Variants in TBL1X observed in about 807,000 individuals in gnomAD.
The protein encoded by TBL1X is transducin beta like 1 X-linked, also known as F-box-like/WD repeat-containing protein TBL1X.
Under a neutral mutation model 50.7 loss-of-function variants are expected in TBL1X, and 10 were observed. The observed-to-expected ratio is 0.20, with a 90% CI of 0.12 to 0.33. The LOEUF (loss-of-function observed/expected upper bound fraction) is 0.33, where lower values mean the gene tolerates loss of function less well. TBL1X is among the 10% of genes least tolerant of loss of function. TBL1X has a pLI of 1.00. For synonymous variants in TBL1X, 190 were observed against 214.7 expected (o/e 0.88, Z 1.01); for missense variants, 340 against 504.4 (o/e 0.67, Z 3.12).
chrX:9,643,831 A>G (rs2082788516), intron 3 of TBL1X, among the ~76,000 whole-genome samples: 1 of 112,358 alleles, frequency 8.9e-6, no homozygotes, highest in African/African-American at 3.2e-5. Context: ...ACTGCACTCC[A>G]GCCTGGGCAA....
intron 2 of TBL1X, chrX:9,640,046 T>C (rs2146587618): frequency 1.8e-5 from 2 of 112,475 alleles, no homozygotes; most frequent in South Asian, 7.4e-4. Context: ...TCAGAACTTC[T>C]ACATGCATAA....
At chrX:9,624,290 T>C (rs1309147191) in intron 2 of TBL1X, among the ~76,000 whole-genome samples, 1 of 112,154 alleles carries the variant, frequency 8.9e-6, no homozygotes, top group East Asian at 2.8e-4. Context: ...GTGTGACTTG[T>C]TAAAAATGAA....
chrX:9,697,289 C>G (rs2083137323), intron 11 of TBL1X, 80 bp from the exon 12 acceptor site: 9 of 1,164,269 alleles, frequency 7.7e-6, no homozygotes, highest in South Asian at 3.8e-5. Flanking sequence ...GAAGGGCTGT[C>G]TTTTCTTGTA....
In TBL1X at chrX:9,465,329, G is replaced by C; in HGVS notation, c.-319G>C. The C allele has an allele frequency of 9.1e-6, 1 of 109,831 alleles. No homozygotes were observed. The highest frequency in any genetic ancestry group is 3.0e-4 in the South Asian group (1 of 3,297). The allele number at this position is 109,831 out of a possible 1,213,427, so 9.1% of individuals were successfully genotyped here. A position where few individuals can be genotyped will look rare whatever the true frequency, so the allele number is the denominator to read the frequency against. On this transcript the variant is annotated 5_prime_UTR_variant, in exon 1 of 18. Coordinates refer to ENST00000645353, the MANE Select transcript of TBL1X (RefSeq NM_005647.4). ...CCCGGGGGCGGCGCGCGGCTGCTCC[G>C]GGGCGCCGGGCCCTCTTCGGCCGCC...
chrX:9,674,695 C>G (rs930323723), intron 5 of TBL1X, among the ~76,000 whole-genome samples: 3 of 46,882 alleles, frequency 6.4e-5, no homozygotes, highest in Admixed American at 1.8e-4. Context: ...CCCCCCCCCC[C>G]CCCCCCCCCA....
At chrX:9,684,297 T>C in intron 6 of TBL1X, 109 bp downstream of exon 6, 1 of 1,053,982 alleles carries the variant, frequency 9.5e-7, no homozygotes, top group Non-Finnish European at 1.3e-6. Flanking sequence ...TTGGGATTAA[T>C]TCCGCGGCAG....
chrX:9,624,389 T>C (rs1180778784), intron 2 of TBL1X, among the ~76,000 whole-genome samples: 1 of 112,251 alleles, frequency 8.9e-6, no homozygotes, highest in Non-Finnish European at 1.9e-5. Flanking sequence ...TGGTTCATAG[T>C]GTTTAATTTG....
intron 5 of TBL1X, among the ~76,000 whole-genome samples, chrX:9,668,171 ATTG>A (rs200035924): frequency 0.019 from 2,158 of 111,244 alleles, 16 homozygotes; most frequent in Middle Eastern, 0.033. Context: ...GTTATGTTAA[ATTG>A]TTGTGTGTCA....
intron 16 of TBL1X, among the ~76,000 whole-genome samples, chrX:9,713,222 C>T (rs1200660865): frequency 9.0e-6 from 1 of 110,957 alleles, no homozygotes; most frequent in Non-Finnish European, 1.9e-5. Context: ...CTAGATAGCT[C>T]TCCGGGAAGC....
chrX:9,673,451 A>G (rs746512833), intron 5 of TBL1X, among the ~76,000 whole-genome samples: 2 of 111,748 alleles, frequency 1.8e-5, no homozygotes, highest in African/African-American at 3.3e-5. Flanking sequence ...GGAAGTAGAA[A>G]CAGCTCCATC....
intron 5 of TBL1X, among the ~76,000 whole-genome samples, chrX:9,665,678 T>C (rs766432979): frequency 9.8e-6 from 1 of 102,483 alleles, no homozygotes; most frequent in East Asian, 3.2e-4. Context: ...CCTAAAGTAA[T>C]TTCTGACAGC....
At chrX:9,654,713 C>G (rs1183295470) in intron 5 of TBL1X, among the ~76,000 whole-genome samples, 1 of 111,086 alleles carries the variant, frequency 9.0e-6, no homozygotes, top group Non-Finnish European at 1.9e-5. Context: ...CTCCCCGCCC[C>G]CTAAATGGGC....
At chrX:9,568,628 G>A (rs1384310957) in intron 2 of TBL1X, among the ~76,000 whole-genome samples, 1 of 106,973 alleles carries the variant, frequency 9.3e-6, no homozygotes, top group Non-Finnish European at 1.9e-5. Context: ...TGTGCTGTAT[G>A]TCTGTCTGTG....
chrX:9,602,573 A>AG (rs2082562501), intron 2 of TBL1X, among the ~76,000 whole-genome samples: 1 of 111,722 alleles, frequency 9.0e-6, no homozygotes, highest in South Asian at 3.7e-4. Context: ...TCCTGGCTGC[A>AG]GGGCTCATCT....
At chrX:9,716,164 T>C in intron 17 of TBL1X, 56 bp from the exon 18 acceptor site, 2 of 1,188,094 alleles carry the variant, frequency 1.7e-6, no homozygotes, top group South Asian at 1.8e-5. Flanking sequence ...CTTCTCACTC[T>C]AAAGGCATCT....
intron 1 of TBL1X, among the ~76,000 whole-genome samples, chrX:9,478,686 C>T (rs762497459): frequency 6.2e-5 from 7 of 112,305 alleles, no homozygotes; most frequent in Non-Finnish European, 1.3e-4. Flanking sequence ...TTGTCAAATA[C>T]GCAGATTCCC....
chrX:9,513,362 G>T (rs1354388291), intron 2 of TBL1X, among the ~76,000 whole-genome samples: 1 of 110,539 alleles, frequency 9.0e-6, no homozygotes, highest in Non-Finnish European at 1.9e-5. Flanking sequence ...TACTCCAGTG[G>T]GGGGGTGCAG....
intron 2 of TBL1X, among the ~76,000 whole-genome samples, chrX:9,539,894 C>T (rs1453369172): frequency 8.9e-6 from 1 of 112,484 alleles, no homozygotes; most frequent in African/African-American, 3.2e-5. Context: ...AGACTTGGAA[C>T]TAGACTAACC....
intron 2 of TBL1X, among the ~76,000 whole-genome samples, chrX:9,592,746 T>C (rs1274351982): frequency 8.9e-6 from 1 of 112,208 alleles, no homozygotes; most frequent in African/African-American, 3.2e-5. Flanking sequence ...GTCTGGCTTA[T>C]TTCCCTAAGC....
Sources: allele counts gnomAD v4.1 joint callset (sites outside exome capture counted in the v4.1 genomes callset), GRCh38; gene constraint gnomAD v4.1.1; transcripts MANE v1.5; gene names NCBI Gene and HGNC (gene_info 2026-07-23, HGNC 2026-07-21).